Variants in KCNH3 observed in about 807,000 individuals in gnomAD.
KCNH3 encodes voltage-gated inwardly rectifying potassium channel KCNH3.
A neutral mutation model predicts 95.6 loss-of-function variants in KCNH3; 36 were observed. The observed-to-expected ratio is 0.38, with a 90% confidence interval of 0.29 to 0.50. The LOEUF (loss-of-function observed/expected upper bound fraction) is 0.50, where lower values mean the gene tolerates loss of function less well. Ranked by LOEUF, KCNH3 falls within the 20% of genes least tolerant of loss-of-function variation. The pLI, the probability that KCNH3 is intolerant of heterozygous loss-of-function variation, is 0.95. For synonymous variants in KCNH3, 620 were observed against 646.3 expected (o/e 0.96, Z 0.62); for missense variants, 1,030 against 1,484.1 (o/e 0.69, Z 5.03).
intron 7 of KCNH3, 142 bp downstream of exon 7, chr12:49,544,524 A>T (rs926433101): frequency 8.7e-6 from 7 of 807,748 alleles, no homozygotes; most frequent in East Asian, 2.6e-5. Flanking sequence ...TGCAGGTGTG[A>T]GTGTGACAGC....
At chr12:49,551,432 C>T (rs552143245) in intron 10 of KCNH3, among the ~76,000 whole-genome samples, 4 of 151,934 alleles carry the variant, frequency 2.6e-5, no homozygotes, top group South Asian at 4.2e-4. Context: ...AAAAATTAGC[C>T]GGGTGTGGTG....
In KCNH3 at chr12:49,557,718, G is replaced by A. The variant is rs1203467345; in HGVS notation, c.3017G>A (p.Gly1006Glu). ...TCAGACTCAGAGCCCCCTGCCTCAG[G>A]AGACCTCTGCTCTGAGCCCAGCACC... is the stretch of plus-strand genomic sequence containing the variant. The part of the protein sequence containing the change: ...STSDSEPPAS[G>E]DLCSEPSTPA... Residue 1006 changes from glycine (G) to glutamate (E), a missense_variant, in exon 15 of 15, where the codon GGA (glycine) becomes GAA (glutamate). Around this residue, in one of 9 missense-constraint regions of KCNH3, gnomAD observed 464 missense variants for 493.2 expected, o/e 0.94. Coordinates refer to ENST00000257981, the MANE Select transcript of KCNH3 (RefSeq NM_012284.3). 1.9e-6 allele frequency: 3 copies of A among 1,613,750 alleles called. No homozygotes were observed. Among genetic ancestry groups the A allele is most frequent in the African/African-American group, 1.3e-5 (1 of 75,020 alleles).
rs749608521 is a variant in KCNH3, at chr12:49,556,392, G to C, written c.2491G>C (p.Gly831Arg). 1 of 1,613,696 alleles carries C rather than the reference G, an allele frequency of 6.2e-7. No individual in the cohort carries two copies. Reference protein sequence around the residue: ...SPRVVDGIEDGCGSDQPKFSF... With the variant: ...SPRVVDGIEDRCGSDQPKFSF... ...CAGGGTAGTAGATGGCATTGAAGAC[G>C]GCTGTGGCTCGGACCAGCCCAAGTT... The change falls in exon 13 of 15, where the codon GGC becomes CGC. Residue 831 changes from glycine (G) to arginine (R), a missense_variant. Transcript: ENST00000257981.
chr12:49,544,489 C>T (rs751405337), intron 7 of KCNH3, 107 bp downstream of exon 7: 22 of 1,114,800 alleles, frequency 2.0e-5, no homozygotes, highest in African/African-American at 3.1e-5. Flanking sequence ...CAAGTCTGCA[C>T]GTGTGCAAAT....
At chr12:49,543,071 G>A (rs994297402) in intron 4 of KCNH3, among the ~76,000 whole-genome samples, 5 of 152,214 alleles carry the variant, frequency 3.3e-5, no homozygotes, top group African/African-American at 1.2e-4. Flanking sequence ...CTAAGCAGCT[G>A]TGTGGCCAAA....
intron 14 of KCNH3, 36 bp downstream of exon 14, chr12:49,557,295 C>T: frequency 6.2e-6 from 10 of 1,613,676 alleles, no homozygotes; most frequent in Non-Finnish European, 8.5e-6. Flanking sequence ...AGGGGGGCAC[C>T]AGGGGAAGGC....
chr12:49,553,947 C>T (rs760102727), intron 10 of KCNH3, among the ~76,000 whole-genome samples: 46 of 152,322 alleles, frequency 3.0e-4, no homozygotes, highest in South Asian at 6.2e-4. Context: ...GATACTGTGA[C>T]GCTGTAGGTA....
rs534811410 is a variant in KCNH3, at chr12:49,548,244, TC to T, written c.1190-648del. 4.8e-4 allele frequency among the ~76,000 whole-genome samples: 73 copies of T among 152,310 alleles called. 1 individual carries two copies. In the South Asian group the frequency reaches 0.015, roughly 31 times the overall value. ...AGGTACCAGTGTACCTTTGTCCCTC[TC>T]CCAAGTGTGCACAGCCTTTTCAGTG... On this transcript the variant is annotated intron_variant, in intron 7 of 14. Coordinates refer to ENST00000257981, the MANE Select transcript of KCNH3 (RefSeq NM_012284.3).
chr12:49,553,909 A>G (rs2138163924), intron 10 of KCNH3, among the ~76,000 whole-genome samples: 1 of 152,344 alleles, frequency 6.6e-6, no homozygotes, highest in African/African-American at 2.4e-5. Flanking sequence ...TGGGACTTAA[A>G]AACAATCAGA....
chr12:49,542,886 G>A, intron 4 of KCNH3, 47 bp downstream of exon 4: 1 of 1,585,218 alleles, frequency 6.3e-7, no homozygotes, highest in South Asian at 1.2e-5. Flanking sequence ...GGCAGACGCA[G>A]AAGATGGGGA....
chr12:49,540,943 C>G lies in KCNH3; in HGVS notation c.121C>G (p.Pro41Ala). ...CAACGCCCAGGTGGCGGGGCTCTTC[C>G]CCGTGGTCTACTGCTCTGATGGCTT... ...LGNAQVAGLF[P>A]VVYCSDGFCD... Residue 41 changes from proline (P) to alanine (A), a missense_variant, in exon 2 of 15, where the codon CCC (proline) becomes GCC (alanine). Around this residue, in one of 9 missense-constraint regions of KCNH3, gnomAD observed 9 missense variants for 45.2 expected, o/e 0.20. Transcript: ENST00000257981. The G allele has an allele frequency of 6.2e-7, 1 of 1,614,206 alleles. No homozygotes were observed. Among genetic ancestry groups the G allele is most frequent in the Non-Finnish European group, 8.5e-7 (1 of 1,180,050 alleles).
At chr12:49,545,741 A>G (rs977433456) in intron 7 of KCNH3, among the ~76,000 whole-genome samples, 11 of 151,934 alleles carry the variant, frequency 7.2e-5, no homozygotes, top group African/African-American at 2.4e-4. Flanking sequence ...AGGTGTCCAG[A>G]TCAGCCTTAG....
In KCNH3 at chr12:49,558,197, G is replaced by C. The variant is rs974777287; in HGVS notation, c.*244G>C. 7.3e-6 allele frequency: 3 copies of C among 413,392 alleles called. No homozygotes were observed. The highest frequency in any genetic ancestry group is 6.2e-5 in the African/African-American group (3 of 48,778). The allele number at this position is 413,392 out of a possible 1,614,324, so 25.6% of individuals were successfully genotyped here. A position where few individuals can be genotyped will look rare whatever the true frequency, so the allele number is the denominator to read the frequency against. ...CCCGGTCTCCCTCTGCAGGCTGGGG[G>C]CAGAGGCCTGAGGACAAGGAAGAGC... On this transcript the variant is annotated 3_prime_UTR_variant, in exon 15 of 15. Transcript: ENST00000257981.
At chr12:49,556,246 T>C (rs553844268) in intron 12 of KCNH3, 124 bp from the exon 13 acceptor site, 5 of 739,912 alleles carry the variant, frequency 6.8e-6, no homozygotes, top group African/African-American at 1.7e-5. Context: ...AGCTTTCTCC[T>C]GGGCTCCTGG....
At chr12:49,556,328 T>A (rs760357819) in intron 12 of KCNH3, 42 bp from the exon 13 acceptor site, 1 of 1,450,862 alleles carries the variant, frequency 6.9e-7, no homozygotes, top group South Asian at 1.1e-5. Context: ...CCACAGTGGC[T>A]GCCTGTCCAT....
intron 5 of KCNH3, 93 bp from the exon 6 acceptor site, chr12:49,543,821 GA>G (rs1293566317): frequency 1.3e-6 from 2 of 1,481,930 alleles, no homozygotes; most frequent in African/African-American, 2.8e-5. Context: ...AAGGGCCGGG[GA>G]CAGTGTCAAC....
rs534445232 is a variant in KCNH3, at chr12:49,558,092, G to A, written c.*139G>A. On this transcript the variant is annotated 3_prime_UTR_variant, in exon 15 of 15. Transcript: ENST00000257981. The stretch of plus-strand genomic sequence containing the variant: ...TCAGGGCAGGGAGCCTGGAAGCAAA[G>A]GAGGACCTGGCTCCTGACTCTCAGA... 2,089 of 966,778 alleles carry A rather than the reference G, an allele frequency of 2.2e-3. 9 individuals carry two copies. Among genetic ancestry groups the A allele is most frequent in the Non-Finnish European group, 1.8e-3 (1,252 of 710,898 alleles). 59.9% of individuals were successfully genotyped at this position (966,778 alleles called of 1,614,324 possible).
chr12:49,542,229 T>C (rs776357836), intron 3 of KCNH3, among the ~76,000 whole-genome samples: 2 of 152,174 alleles, frequency 1.3e-5, no homozygotes, highest in Non-Finnish European at 2.9e-5. Context: ...CTTTGCCATT[T>C]GGGGATGCTG....
Position 49,555,745 on chromosome 12 carries a change from G to C in KCNH3, c.2262G>C (p.Leu754=). The C allele has an allele frequency of 6.2e-7, 1 of 1,613,434 alleles. No homozygotes were observed. Among genetic ancestry groups the C allele is most frequent in the Non-Finnish European group, 8.5e-7 (1 of 1,179,806 alleles). ...APADEPSSPL[L]SPGCTSSSSA... is the part of the protein sequence containing the mutation. ...CTGATGAGCCCTCCAGCCCCCTGCT[G>C]TCCCCTGGCTGCACCTCCTCATCCT... The change falls in exon 12 of 15, where the codon CTG becomes CTC. Residue 754 remains leucine (L), a synonymous_variant. Coordinates refer to ENST00000257981, the MANE Select transcript of KCNH3 (RefSeq NM_012284.3).
Sources: allele counts gnomAD v4.1 joint callset (sites outside exome capture counted in the v4.1 genomes callset), GRCh38; gene constraint gnomAD v4.1.1; regional missense constraint gnomAD v4.1.1; transcripts MANE v1.5; gene names NCBI Gene and HGNC (gene_info 2026-07-23, HGNC 2026-07-21).